The following NAALADL2 variants were observed in gnomAD, a reference collection of about 807,000 sequenced individuals.
The protein encoded by NAALADL2 is inactive N-acetylated-alpha-linked acidic dipeptidase-like protein 2.
In NAALADL2, 76 loss-of-function variants were observed where a neutral mutation model predicts 87.2. The observed-to-expected ratio is 0.87, with a 90% CI of 0.72 to 1.05. The LOEUF is 1.05. Ranked by LOEUF, NAALADL2 falls within the 50% of genes least tolerant of loss-of-function variation. The probability of loss-of-function intolerance (pLI) is 0.00; values close to 1 mark genes in which losing one functional copy is unlikely to be tolerated. For missense variants in NAALADL2, 1,089 were observed against 945.8 expected (o/e 1.15, Z -1.99); for synonymous variants, 354 against 331.0 (o/e 1.07, Z -0.75).
intron 7 of NAALADL2, among the ~76,000 whole-genome samples, chr3:175,463,719 AG>A (rs1723532505): frequency 1.3e-5 from 2 of 151,004 alleles, no homozygotes; most frequent in Non-Finnish European, 2.9e-5. Context: ...AGAGAGAGAG[AG>A]AGAGAGAGAG....
chr3:174,874,673 G>A (rs1167060799), intron 1 of NAALADL2, among the ~76,000 whole-genome samples: 1 of 152,064 alleles, frequency 6.6e-6, no homozygotes, highest in East Asian at 1.9e-4. Context: ...CATAAATGAA[G>A]TACATTGCAA....
intron 1 of NAALADL2, among the ~76,000 whole-genome samples, chr3:174,467,771 C>A (rs2108303537): frequency 6.6e-6 from 1 of 151,602 alleles, no homozygotes; most frequent in East Asian, 1.9e-4. Flanking sequence ...AAGCAAACTG[C>A]AAAACAATAT....
chr3:174,883,891 C>A (rs1729736758), intron 1 of NAALADL2, among the ~76,000 whole-genome samples: 1 of 152,078 alleles, frequency 6.6e-6, no homozygotes, highest in Admixed American at 6.6e-5. Context: ...ACTAAGAGAC[C>A]CCCTAATGGG....
At chr3:175,373,185 A>T (rs540111716) in intron 5 of NAALADL2, among the ~76,000 whole-genome samples, 35 of 149,296 alleles carry the variant, frequency 2.3e-4, no homozygotes, top group African/African-American at 6.4e-4. Flanking sequence ...ACTTAAATAT[A>T]AAAAAAAGCA....
At chr3:175,795,567 C>T (rs1753364944) in intron 13 of NAALADL2, among the ~76,000 whole-genome samples, 1 of 151,470 alleles carries the variant, frequency 6.6e-6, no homozygotes, top group African/African-American at 2.4e-5. Context: ...CCTGTAGTCC[C>T]AGCTACTCAA....
chr3:174,927,621 C>G (rs1327073075), intron 1 of NAALADL2, among the ~76,000 whole-genome samples: 4 of 152,022 alleles, frequency 2.6e-5, no homozygotes, highest in Non-Finnish European at 4.4e-5. Flanking sequence ...GGGTACATAA[C>G]GAAATGAAGG....
chr3:175,708,364 G>T (rs890518529), intron 11 of NAALADL2, among the ~76,000 whole-genome samples: 2 of 152,080 alleles, frequency 1.3e-5, no homozygotes, highest in Non-Finnish European at 2.9e-5. Context: ...CAGTTCAAAA[G>T]TAGATGCTAC....
At chr3:174,513,309 A>G (rs1379000608) in intron 1 of NAALADL2, among the ~76,000 whole-genome samples, 1 of 152,146 alleles carries the variant, frequency 6.6e-6, no homozygotes, top group Non-Finnish European at 1.5e-5. Flanking sequence ...GGTATTGTAT[A>G]TATCTCCATC....
At chr3:175,594,708 G>A (rs1161701739) in intron 10 of NAALADL2, among the ~76,000 whole-genome samples, 3 of 152,084 alleles carry the variant, frequency 2.0e-5, no homozygotes, top group Admixed American at 6.6e-5. Context: ...TGACTGGTGT[G>A]AGATGGCATC....
At chr3:175,627,229 T>C (rs1727108867) in intron 10 of NAALADL2, 62 bp from the exon 11 acceptor site, 1 of 1,336,282 alleles carries the variant, frequency 7.5e-7, no homozygotes, top group Admixed American at 2.2e-5. Context: ...GAAAATCCAA[T>C]AAACACTTGA....
intron 5 of NAALADL2, among the ~76,000 whole-genome samples, chr3:175,336,283 G>C (rs539012400): frequency 6.6e-6 from 1 of 152,156 alleles, no homozygotes; most frequent in South Asian, 2.1e-4. Flanking sequence ...TATTATTATT[G>C]TAATGTGTTT....
At chr3:175,799,991 T>A (rs1282564256) in intron 13 of NAALADL2, among the ~76,000 whole-genome samples, 1 of 152,150 alleles carries the variant, frequency 6.6e-6, no homozygotes, top group Non-Finnish European at 1.5e-5. Flanking sequence ...AATCTAACAT[T>A]TCCTGGTACT....
chr3:175,648,347 G>C (rs963257984), intron 11 of NAALADL2, among the ~76,000 whole-genome samples: 1 of 151,634 alleles, frequency 6.6e-6, no homozygotes, highest in African/African-American at 2.4e-5. Context: ...ATAATATATT[G>C]TATATAAAAT....
At chr3:175,230,256 T>C (rs1744746994) in intron 2 of NAALADL2, among the ~76,000 whole-genome samples, 1 of 152,006 alleles carries the variant, frequency 6.6e-6, no homozygotes, top group Non-Finnish European at 1.5e-5. Flanking sequence ...GACCACAGCA[T>C]TGAGGATTTC....
chr3:174,860,936 A>G (rs1726411607), intron 1 of NAALADL2, among the ~76,000 whole-genome samples: 1 of 152,056 alleles, frequency 6.6e-6, no homozygotes, highest in Admixed American at 6.6e-5. Flanking sequence ...TAAAACTACA[A>G]TTATTTTCAG....
chr3:174,660,212 T>C (rs1386127972), intron 2 of NAALADL2, among the ~76,000 whole-genome samples: 2 of 152,196 alleles, frequency 1.3e-5, no homozygotes, highest in African/African-American at 4.8e-5. Context: ...AGATTTATTA[T>C]AATGATTACA....
At chr3:175,574,074 A>G (rs1261700455) in intron 9 of NAALADL2, among the ~76,000 whole-genome samples, 1 of 152,224 alleles carries the variant, frequency 6.6e-6, no homozygotes, top group African/African-American at 2.4e-5. Flanking sequence ...CTAGATAGTT[A>G]TTAAAACATT....
At chr3:175,051,400 C>T (rs534547752) in intron 1 of NAALADL2, among the ~76,000 whole-genome samples, 6 of 152,220 alleles carry the variant, frequency 3.9e-5, no homozygotes, top group South Asian at 2.1e-4. Flanking sequence ...CAAGTCTGGA[C>T]AGGCTGCATT....
chr3:174,536,464 C>G (rs1578114506), intron 1 of NAALADL2, among the ~76,000 whole-genome samples: 1 of 152,126 alleles, frequency 6.6e-6, no homozygotes, highest in Non-Finnish European at 1.5e-5. Flanking sequence ...TTTGCCATCA[C>G]CTCCCCTATT....
Sources: allele counts gnomAD v4.1 joint callset (sites outside exome capture counted in the v4.1 genomes callset), GRCh38; gene constraint gnomAD v4.1.1; transcripts MANE v1.5; gene names NCBI Gene and HGNC (gene_info 2026-07-23, HGNC 2026-07-21).